The following ACTL8 variants were observed in gnomAD, a reference collection of about 807,000 sequenced individuals.
ACTL8 encodes the protein actin-like protein 8.
Under a neutral mutation model 9.3 loss-of-function variants are expected in ACTL8, and 3 were observed. That is an observed-to-expected ratio of 0.32 (90% confidence interval 0.15 to 0.83). ACTL8 has a LOEUF of 0.83. ACTL8 is among the 40% of genes least tolerant of loss of function. The pLI is 0.57. For missense variants in ACTL8, 381 were observed against 492.2 expected (o/e 0.77, Z 2.14); for synonymous variants, 224 against 205.9 (o/e 1.09, Z -0.75).
At chr1:17,774,466 G>A (rs1453005888) in intron 1 of ACTL8, among the ~76,000 whole-genome samples, 1 of 152,146 alleles carries the variant, frequency 6.6e-6, no homozygotes, top group East Asian at 1.9e-4. Flanking sequence ...GGGGTAGGGG[G>A]TGTTTAGGGA....
rs80183276 is a variant in ACTL8, at chr1:17,756,715, C to T, written c.-25+1211C>T. ...GGAGTGGTTTTCTGGTGATTTTGGG[C>T]TTGGGTGTAGTGTCAAGTTCCTTGC... is the stretch of plus-strand genomic sequence containing the variant. On this transcript the variant is annotated intron_variant, in intron 1 of 2. Coordinates refer to ENST00000375406, the MANE Select transcript of ACTL8 (RefSeq NM_030812.3). 2.8e-4 allele frequency among the ~76,000 whole-genome samples: 43 copies of T among 152,168 alleles called. No homozygotes were observed. In the East Asian group the frequency reaches 7.9e-3, roughly 28 times the overall value.
chr1:17,766,322 C>T (rs1258989310), intron 1 of ACTL8, among the ~76,000 whole-genome samples: 1 of 152,158 alleles, frequency 6.6e-6, no homozygotes, highest in Non-Finnish European at 1.5e-5. Flanking sequence ...GGGACTGGTA[C>T]TTTGGCCCTG....
At chr1:17,812,391 G>A (rs1043227069) in intron 1 of ACTL8, among the ~76,000 whole-genome samples, 1 of 146,544 alleles carries the variant, frequency 6.8e-6, no homozygotes, top group African/African-American at 2.5e-5. Flanking sequence ...ATATTGAATT[G>A]TCTAATCTGT....
chr1:17,799,042 G>T (rs2066300324), intron 1 of ACTL8, among the ~76,000 whole-genome samples: 1 of 152,158 alleles, frequency 6.6e-6, no homozygotes, highest in Non-Finnish European at 1.5e-5. Context: ...TGCCCACTTT[G>T]GTCCCCTCTC....
chr1:17,817,576 G>C (rs983589702), intron 1 of ACTL8, among the ~76,000 whole-genome samples: 4 of 152,092 alleles, frequency 2.6e-5, no homozygotes, highest in African/African-American at 9.7e-5. Context: ...TTCTCACTCA[G>C]TCCTCTTTAT....
At position 17,826,565 on chromosome 1, in the gene ACTL8, G is replaced by C. The variant is rs765059023; in HGVS notation, c.*46G>C. On this transcript the variant is annotated 3_prime_UTR_variant, in exon 3 of 3. Coordinates refer to ENST00000375406, the MANE Select transcript of ACTL8 (RefSeq NM_030812.3). The surrounding 1 kb of genome is among the most constrained non-coding windows in gnomAD (Gnocchi z 4.5). ...GAATGGGCTCCTGTTAGATGGGCAC[G>C]GGCGGATTAATTTTAGCAAAATGTT... is the stretch of plus-strand genomic sequence containing the variant. 1 of 1,481,292 alleles carries C rather than the reference G, an allele frequency of 6.8e-7. No homozygotes were observed. Among genetic ancestry groups the C allele is most frequent in the Non-Finnish European group, 9.0e-7 (1 of 1,111,468 alleles). 91.8% of individuals were successfully genotyped at this position (1,481,292 alleles called of 1,614,324 possible).
chr1:17,802,603 A>G (rs1170560270), intron 1 of ACTL8, among the ~76,000 whole-genome samples: 2 of 152,170 alleles, frequency 1.3e-5, no homozygotes, highest in Non-Finnish European at 2.9e-5. Context: ...CCCGATCATA[A>G]CATCATGTAA....
intron 1 of ACTL8, among the ~76,000 whole-genome samples, chr1:17,781,785 A>G (rs910015329): frequency 6.6e-5 from 10 of 152,064 alleles, no homozygotes; most frequent in Non-Finnish European, 1.0e-4. Flanking sequence ...CCATGCATAC[A>G]TTTCCCCTGG....
chr1:17,810,746 A>T (rs1297087143), intron 1 of ACTL8, among the ~76,000 whole-genome samples: 2 of 152,238 alleles, frequency 1.3e-5, no homozygotes, highest in Non-Finnish European at 2.9e-5. Context: ...TGAATATCAT[A>T]TAATTGGGAA....
In ACTL8 at chr1:17,823,684, C is replaced by T. The variant is rs546794159; in HGVS notation, c.348+328C>T. ...TCGAGAATAGAGTGAGCTGAGATCA[C>T]GACACTGCACTCTAGCCTGGGCAAC... On this transcript the variant is annotated intron_variant, in intron 2 of 2. Coordinates refer to ENST00000375406, the MANE Select transcript of ACTL8 (RefSeq NM_030812.3). The surrounding 1 kb of genome is among the most constrained non-coding windows in gnomAD (Gnocchi z 5.3). Among the ~76,000 whole-genome samples, 7 of 152,114 alleles carry T rather than the reference C, an allele frequency of 4.6e-5. No homozygotes were observed. The highest frequency in any genetic ancestry group is 2.6e-4 in the Admixed American group (4 of 15,290).
chr1:17,806,287 A>G (rs1255140262), intron 1 of ACTL8, among the ~76,000 whole-genome samples: 3 of 152,112 alleles, frequency 2.0e-5, no homozygotes, highest in Non-Finnish European at 4.4e-5. Context: ...TGCCAGGGAG[A>G]GTAATGTTAA....
chr1:17,768,304 G>A (rs946472422), intron 1 of ACTL8, among the ~76,000 whole-genome samples: 2 of 83,212 alleles, frequency 2.4e-5, no homozygotes, highest in African/African-American at 6.2e-5. Context: ...CCAGAGAGAG[G>A]GGACCTAACT....
chr1:17,764,445 A>G (rs1006586621), intron 1 of ACTL8, among the ~76,000 whole-genome samples: 37 of 152,218 alleles, frequency 2.4e-4, no homozygotes, highest in Admixed American at 1.6e-3. Context: ...TTCCAGCCCA[A>G]TGTTTCTTCT....
chr1:17,761,720 AC>A, intron 1 of ACTL8, among the ~76,000 whole-genome samples: 1 of 151,872 alleles, frequency 6.6e-6, no homozygotes, highest in Non-Finnish European at 1.5e-5. Context: ...ACAGGCACCC[AC>A]CACCACGCCC....
At chr1:17,776,295 ACAGT>A (rs1167942482) in intron 1 of ACTL8, among the ~76,000 whole-genome samples, 5 of 152,148 alleles carry the variant, frequency 3.3e-5, no homozygotes, top group South Asian at 2.1e-4. Flanking sequence ...GACCTAGAAG[ACAGT>A]CAGATCATGG....
At chr1:17,775,161 G>T (rs1052119889) in intron 1 of ACTL8, among the ~76,000 whole-genome samples, 2 of 152,202 alleles carry the variant, frequency 1.3e-5, no homozygotes, top group African/African-American at 4.8e-5. Flanking sequence ...AAATACAGGT[G>T]GGTAGGCTGA....
At chr1:17,764,150 G>A (rs1156960153) in intron 1 of ACTL8, among the ~76,000 whole-genome samples, 4 of 152,196 alleles carry the variant, frequency 2.6e-5, no homozygotes, top group African/African-American at 9.7e-5. Flanking sequence ...CCTTCCCTTG[G>A]TGGGCAGCTA....
At position 17,823,004 on chromosome 1, in the gene ACTL8, C is replaced by A; in HGVS notation, c.-5C>A. 1 of 1,611,656 alleles carries A rather than the reference C, an allele frequency of 6.2e-7. No individual in the cohort carries two copies. Among genetic ancestry groups the A allele is most frequent in the Non-Finnish European group, 8.5e-7 (1 of 1,178,716 alleles). The stretch of plus-strand genomic sequence containing the variant: ...CCGCAGGTCCCACCCACCTCTGCCT[C>A]CGCCATGGCTGCAAGAACCGTTATC... On this transcript the variant is annotated 5_prime_UTR_variant, in exon 2 of 3. Coordinates refer to ENST00000375406, the MANE Select transcript of ACTL8 (RefSeq NM_030812.3). The surrounding 1 kb of genome is among the most constrained non-coding windows in gnomAD (Gnocchi z 5.3).
intron 1 of ACTL8, among the ~76,000 whole-genome samples, chr1:17,800,531 G>A (rs914396676): frequency 2.9e-4 from 42 of 143,826 alleles, no homozygotes; most frequent in Admixed American, 1.6e-3. Context: ...CCGGGACTTC[G>A]TTTGATGTTG....
Sources: gnomAD v4.1 joint callset for allele counts (sites outside exome capture counted in the v4.1 genomes callset) on GRCh38, gnomAD v4.1.1 for gene constraint, Gnocchi (gnomAD v3.1) non-coding constraint, MANE v1.5 for transcripts, NCBI Gene and HGNC (gene_info 2026-07-23, HGNC 2026-07-21) for gene names.